Variants in DNAJC6 observed in about 807,000 individuals in gnomAD.
DNAJC6 encodes auxilin.
DNAJC6 carries 34 observed loss-of-function variants against 110.0 expected under a neutral mutation model. The ratio of observed to expected loss-of-function variants is 0.31; its 90% CI spans 0.24 to 0.41. DNAJC6 has a LOEUF of 0.41. Among genes scored for constraint, DNAJC6 ranks in the 10% least tolerant of loss-of-function variants. The probability of loss-of-function intolerance (pLI) is 1.00; values close to 1 mark genes in which losing one functional copy is unlikely to be tolerated. For missense variants in DNAJC6, 1,031 were observed against 1,207.8 expected (o/e 0.85, Z 2.17); for synonymous variants, 406 against 437.2 (o/e 0.93, Z 0.89).
chr1:65,336,370 A>G (rs1031913051), intron 1 of DNAJC6, among the ~76,000 whole-genome samples: 4 of 152,204 alleles, frequency 2.6e-5, no homozygotes, highest in Non-Finnish European at 4.4e-5. Flanking sequence ...CATGGGGATT[A>G]TCGGAACCAC....
chr1:65,296,380 A>G (rs779398503), intron 1 of DNAJC6, among the ~76,000 whole-genome samples: 2 of 152,172 alleles, frequency 1.3e-5, no homozygotes, highest in Non-Finnish European at 2.9e-5. Flanking sequence ...GGCTGAATTC[A>G]TATTAAGCAG....
At chr1:65,311,131 T>TGG (rs1209668329) in intron 1 of DNAJC6, among the ~76,000 whole-genome samples, 1 of 151,206 alleles carries the variant, frequency 6.6e-6, no homozygotes, top group Non-Finnish European at 1.5e-5. Context: ...TTATTGAAGT[T>TGG]AACCAAGATA....
At chr1:65,405,796 AAC>A in intron 15 of DNAJC6, 72 bp from the exon 16 acceptor site, 1 of 1,496,654 alleles carries the variant, frequency 6.7e-7, no homozygotes, top group South Asian at 1.3e-5. Flanking sequence ...AGCCACTGCA[AAC>A]AGTGTCTTAA....
chr1:65,332,191 A>T (rs1192121464), intron 1 of DNAJC6, among the ~76,000 whole-genome samples: 1 of 152,148 alleles, frequency 6.6e-6, no homozygotes, highest in Non-Finnish European at 1.5e-5. Context: ...TACAAATGTT[A>T]ACGTGGGGCA....
intron 1 of DNAJC6, among the ~76,000 whole-genome samples, chr1:65,361,399 C>G (rs1245645446): frequency 6.6e-6 from 1 of 152,142 alleles, no homozygotes; most frequent in Non-Finnish European, 1.5e-5. Context: ...GTATCAATAG[C>G]TCTTAAGATC....
chr1:65,399,274 A>G (rs1271122222), intron 14 of DNAJC6, among the ~76,000 whole-genome samples: 3 of 152,230 alleles, frequency 2.0e-5, no homozygotes, highest in Admixed American at 6.5e-5. Flanking sequence ...AAAAACTTAT[A>G]TAAGAATTTC....
intron 1 of DNAJC6, among the ~76,000 whole-genome samples, chr1:65,341,192 G>A (rs1460424205): frequency 4.6e-5 from 7 of 152,180 alleles, no homozygotes; most frequent in African/African-American, 9.7e-5. Flanking sequence ...TGTGAAGACC[G>A]ATACCAGACA....
At position 65,389,343 on chromosome 1, in the gene DNAJC6, A is replaced by G; in HGVS notation, c.1281A>G (p.Lys427=). Residue 427 remains lysine, a synonymous_variant, in exon 10 of 19, where the codon AAA becomes AAG. Coordinates refer to ENST00000371069, the MANE Select transcript of DNAJC6 (RefSeq NM_001256864.2). ...ATGTAGAACTACAGCCCCATGACAA[A>G]GTAATAGACTTAACTCCACCATGGG... The part of the protein sequence containing the change: ...TLDVELQPHD[K]VIDLTPPWEH... 6.2e-7 allele frequency: 1 copy of G among 1,614,198 alleles called. No individual in the cohort carries two copies. The highest frequency in any genetic ancestry group is 2.2e-5 in the East Asian group (1 of 44,874).
chr1:65,342,097 G>T (rs1234599069), intron 1 of DNAJC6, among the ~76,000 whole-genome samples: 1 of 152,140 alleles, frequency 6.6e-6, no homozygotes, highest in Non-Finnish European at 1.5e-5. Flanking sequence ...TTTTGGGTTT[G>T]ACTGTTTCCT....
At chr1:65,377,606 T>C (rs1645778399) in intron 4 of DNAJC6, among the ~76,000 whole-genome samples, 1 of 152,238 alleles carries the variant, frequency 6.6e-6, no homozygotes, top group East Asian at 1.9e-4. Context: ...GAAGGTCTCC[T>C]GACATTTGCC....
chr1:65,385,942 C>G, intron 7 of DNAJC6, 36 bp downstream of exon 7: 2 of 1,500,362 alleles, frequency 1.3e-6, no homozygotes, highest in Non-Finnish European at 1.8e-6. Flanking sequence ...CTATGTACTT[C>G]TCAATTCTCA....
chr1:65,267,237 C>G (rs1175517874), intron 1 of DNAJC6, among the ~76,000 whole-genome samples: 1 of 152,056 alleles, frequency 6.6e-6, no homozygotes, highest in Admixed American at 6.6e-5. Context: ...TGGGAAGAGC[C>G]TTGGGTTGGG....
At chr1:65,303,473 A>C (rs542747154) in intron 1 of DNAJC6, among the ~76,000 whole-genome samples, 1 of 152,288 alleles carries the variant, frequency 6.6e-6, no homozygotes, top group South Asian at 2.1e-4. Context: ...TTGTGACTTA[A>C]AATGGATGGT....
chr1:65,287,563 C>T (rs996376668), intron 1 of DNAJC6, among the ~76,000 whole-genome samples: 8 of 152,088 alleles, frequency 5.3e-5, no homozygotes, highest in Admixed American at 1.3e-4. Flanking sequence ...AACAATCACT[C>T]CCCCATTTAC....
intron 1 of DNAJC6, among the ~76,000 whole-genome samples, chr1:65,295,874 C>A (rs542681778): frequency 1.3e-5 from 2 of 152,304 alleles, no homozygotes; most frequent in South Asian, 2.1e-4. Context: ...AGGGAACTGG[C>A]CCCATGGTAA....
rs765690425 is a variant in DNAJC6, at chr1:65,388,562, T to G, written c.1193+147T>G. On this transcript the variant is annotated intron_variant, in intron 9 of 18. Coordinates refer to ENST00000371069, the MANE Select transcript of DNAJC6 (RefSeq NM_001256864.2). ...CAGTAGCACAGAGAGGCTGTGGGCA[T>G]TCTAAAGCTTTCAGTTGAATATGAT... The G allele has an allele frequency of 2.1e-4, 144 of 688,578 alleles. 1 individual carries two copies. The South Asian group carries it at 2.3e-3, about 11-fold the overall frequency. The allele number at this position is 688,578 out of a possible 1,614,324, so 42.7% of individuals were successfully genotyped here.
At chr1:65,411,908 C>G (rs1646133201) in intron 18 of DNAJC6, among the ~76,000 whole-genome samples, 1 of 151,998 alleles carries the variant, frequency 6.6e-6, no homozygotes, top group Non-Finnish European at 1.5e-5. Context: ...GTGATCAAGG[C>G]TGCAGTGAGC....
At chr1:65,322,615 A>G (rs1195398492) in intron 1 of DNAJC6, among the ~76,000 whole-genome samples, 1 of 152,204 alleles carries the variant, frequency 6.6e-6, no homozygotes, top group African/African-American at 2.4e-5. Context: ...CCTGTGGGAA[A>G]AATTCCTAGA....
chr1:65,371,761 T>C (rs1645708444), intron 4 of DNAJC6, among the ~76,000 whole-genome samples: 1 of 152,156 alleles, frequency 6.6e-6, no homozygotes, highest in Admixed American at 6.5e-5. Context: ...TGGTGTCCTC[T>C]GATGCTAAGC....
Sources: gnomAD v4.1 joint callset for allele counts (sites outside exome capture counted in the v4.1 genomes callset) on GRCh38, gnomAD v4.1.1 for gene constraint, MANE v1.5 for transcripts, NCBI Gene and HGNC (gene_info 2026-07-23, HGNC 2026-07-21) for gene names.